MAD1L1: variants seen among roughly 807,000 people sequenced by gnomAD.
MAD1L1 encodes the protein mitotic spindle assembly checkpoint protein MAD1.
MAD1L1 carries 95 observed loss-of-function variants against 96.9 expected under a neutral mutation model. The observed-to-expected ratio is 0.98, with a 90% confidence interval of 0.83 to 1.16. The LOEUF (loss-of-function observed/expected upper bound fraction) is 1.16, where lower values mean the gene tolerates loss of function less well. MAD1L1 is among the 50% of genes most tolerant of loss of function. The pLI, the probability that MAD1L1 is intolerant of heterozygous loss-of-function variation, is 0.00. For synonymous variants in MAD1L1, 473 were observed against 396.6 expected (o/e 1.19, Z -2.29); for missense variants, 1,007 against 954.4 (o/e 1.06, Z -0.73).
At chr7:2,167,829 G>A (rs1790513484) in intron 10 of MAD1L1, among the ~76,000 whole-genome samples, 1 of 151,254 alleles carries the variant, frequency 6.6e-6, no homozygotes, top group South Asian at 2.1e-4. Context: ...TAAGCCAGGA[G>A]TTTGATACCA....
intron 18 of MAD1L1, among the ~76,000 whole-genome samples, chr7:1,862,054 C>T (rs1784559199): frequency 6.6e-6 from 1 of 152,230 alleles, no homozygotes; most frequent in Non-Finnish European, 1.5e-5. Context: ...CCTCCTAGAC[C>T]TGCAGAGCCT....
chr7:1,850,931 C>T (rs748392249), intron 18 of MAD1L1, among the ~76,000 whole-genome samples: 3 of 152,324 alleles, frequency 2.0e-5, no homozygotes, highest in South Asian at 2.1e-4. Context: ...AGCTTCCGGG[C>T]ATCAGAGAGC....
chr7:1,899,900 G>C (rs1787135333), intron 17 of MAD1L1, among the ~76,000 whole-genome samples: 1 of 152,230 alleles, frequency 6.6e-6, no homozygotes, highest in Non-Finnish European at 1.5e-5. Context: ...TGCAGAGGAA[G>C]ATGGAGGACG....
At chr7:1,999,694 C>T (rs531047845) in intron 14 of MAD1L1, among the ~76,000 whole-genome samples, 1 of 152,302 alleles carries the variant, frequency 6.6e-6, no homozygotes, top group South Asian at 2.1e-4. Flanking sequence ...AGTAAGGCTC[C>T]CTTCAGCATA....
rs761681267 is a variant in MAD1L1 at position 2,218,000 on chromosome 7, T to C, written c.640A>G (p.Ser214Gly). The change falls in exon 7 of 19, where the codon AGC (serine) becomes GGC (glycine). Residue 214 changes from serine to glycine, a missense_variant. Coordinates refer to ENST00000265854, the MANE Select transcript of MAD1L1 (RefSeq NM_001013836.2). ...ANQKIQELQA[S>G]QEARADHEQQ... is the part of the protein sequence containing the mutation. ...TCGTGGTCTGCTCTTGCTTCTTGGC[T>C]GGCCTGGAGTTCCTGGATTTTCTGA... The C allele has an allele frequency of 3.7e-6, 6 of 1,614,052 alleles. No individual in the cohort carries two copies. The Admixed American group carries it at 8.3e-5, about 22-fold the overall frequency.
At chr7:1,953,272 T>C (rs1779581923) in intron 16 of MAD1L1, among the ~76,000 whole-genome samples, 2 of 152,214 alleles carry the variant, frequency 1.3e-5, no homozygotes, top group Non-Finnish European at 2.9e-5. Flanking sequence ...GGCAATCTTC[T>C]ACCCACTCCT....
At chr7:1,886,183 G>C (rs1045630645) in intron 18 of MAD1L1, among the ~76,000 whole-genome samples, 3 of 152,234 alleles carry the variant, frequency 2.0e-5, no homozygotes, top group Non-Finnish European at 4.4e-5. Context: ...GGCCTGGAAT[G>C]GCACAGGGCT....
intron 11 of MAD1L1, among the ~76,000 whole-genome samples, chr7:2,110,162 T>A (rs1787305225): frequency 6.6e-6 from 1 of 152,220 alleles, no homozygotes; most frequent in African/African-American, 2.4e-5. Context: ...GACACAGATG[T>A]CCAGATGGCA....
At chr7:1,931,439 C>T (rs956475829) in intron 17 of MAD1L1, among the ~76,000 whole-genome samples, 5 of 152,244 alleles carry the variant, frequency 3.3e-5, no homozygotes, top group Non-Finnish European at 4.4e-5. Flanking sequence ...CCCAGGAATT[C>T]TGTGGGGTGT....
At chr7:1,824,647 G>T (rs935132464) in intron 18 of MAD1L1, among the ~76,000 whole-genome samples, 1 of 152,218 alleles carries the variant, frequency 6.6e-6, no homozygotes, top group Non-Finnish European at 1.5e-5. Flanking sequence ...AGGACCCGCG[G>T]GAGAGGAGAG....
chr7:1,951,655 C>T (rs902485903), intron 16 of MAD1L1, among the ~76,000 whole-genome samples: 1 of 152,178 alleles, frequency 6.6e-6, no homozygotes, highest in African/African-American at 2.4e-5. Flanking sequence ...GATCTGATGA[C>T]TCTAGGGGCC....
chr7:1,852,329 C>T (rs570914552), intron 18 of MAD1L1, among the ~76,000 whole-genome samples: 4 of 152,324 alleles, frequency 2.6e-5, no homozygotes, highest in East Asian at 3.9e-4. Context: ...CTGGGTTTCC[C>T]GGACTGGGAG....
intron 17 of MAD1L1, among the ~76,000 whole-genome samples, chr7:1,904,378 A>G (rs570201468): frequency 1.8e-3 from 224 of 122,594 alleles, no homozygotes; most frequent in Admixed American, 3.2e-3. Flanking sequence ...ACGCTCTTGC[A>G]GAATTCATGA....
intron 18 of MAD1L1, among the ~76,000 whole-genome samples, chr7:1,856,648 T>A (rs1255166785): frequency 1.3e-5 from 2 of 151,930 alleles, no homozygotes; most frequent in African/African-American, 2.4e-5. Context: ...TGCTCGCGGC[T>A]CCTCCACAAA....
At chr7:1,897,462 C>T (rs1433580213) in intron 18 of MAD1L1, among the ~76,000 whole-genome samples, 3 of 152,182 alleles carry the variant, frequency 2.0e-5, no homozygotes, top group Non-Finnish European at 2.9e-5. Flanking sequence ...CACACCAGGC[C>T]GACGGCACCA....
chr7:2,207,116 A>G (rs1792638537), intron 10 of MAD1L1, among the ~76,000 whole-genome samples: 1 of 151,830 alleles, frequency 6.6e-6, no homozygotes, highest in Admixed American at 6.6e-5. Flanking sequence ...AGATCAGTTC[A>G]TCAATTTCTG....
chr7:1,990,734 T>C (rs1781371851), intron 14 of MAD1L1, among the ~76,000 whole-genome samples: 1 of 151,480 alleles, frequency 6.6e-6, no homozygotes. Context: ...CACCGCTGGG[T>C]GCCTGAGCAC....
chr7:2,079,828 G>C, intron 11 of MAD1L1: 2 of 459,204 alleles, frequency 4.4e-6, no homozygotes, highest in South Asian at 3.2e-5. Context: ...GCAGAGACAA[G>C]GGGGCAAGTC....
intron 18 of MAD1L1, among the ~76,000 whole-genome samples, chr7:1,894,563 G>A (rs1786748184): frequency 6.6e-6 from 1 of 152,184 alleles, no homozygotes; most frequent in African/African-American, 2.4e-5. Context: ...CACAGGTGAG[G>A]AGACTGAAAC....
Sources: gnomAD v4.1 joint callset for allele counts (sites outside exome capture counted in the v4.1 genomes callset) on GRCh38, gnomAD v4.1.1 for gene constraint, MANE v1.5 for transcripts, NCBI Gene and HGNC (gene_info 2026-07-23, HGNC 2026-07-21) for gene names.